The following RALGPS2 variants were observed in gnomAD, a reference collection of about 807,000 sequenced individuals.
The protein encoded by RALGPS2 is Ral GEF with PH domain and SH3 binding motif 2.
In RALGPS2, 43 loss-of-function variants were observed where a neutral mutation model predicts 86.8. The ratio of observed to expected loss-of-function variants is 0.50; its 90% CI spans 0.39 to 0.64. RALGPS2 has a LOEUF of 0.64. Ranked by LOEUF, RALGPS2 falls within the 30% of genes least tolerant of loss-of-function variation. The probability of loss-of-function intolerance (pLI) is 0.00; values close to 1 mark genes in which losing one functional copy is unlikely to be tolerated. For synonymous variants in RALGPS2, 243 were observed against 231.3 expected (o/e 1.05, Z -0.46); for missense variants, 536 against 694.6 (o/e 0.77, Z 2.57).
intron 11 of RALGPS2, among the ~76,000 whole-genome samples, chr1:178,883,763 A>C (rs1360406263): frequency 6.6e-6 from 1 of 152,120 alleles, no homozygotes; most frequent in Non-Finnish European, 1.5e-5. Flanking sequence ...AGGCGGGCGG[A>C]TCACAGGGTC....
intron 7 of RALGPS2, among the ~76,000 whole-genome samples, chr1:178,832,779 G>A (rs556416114): frequency 5.4e-5 from 8 of 148,386 alleles, no homozygotes; most frequent in Admixed American, 5.4e-4. Context: ...GACTGACTTT[G>A]CTTTTTTTTT....
At chr1:178,822,309 C>T (rs1372689320) in intron 7 of RALGPS2, among the ~76,000 whole-genome samples, 1 of 151,926 alleles carries the variant, frequency 6.6e-6, no homozygotes, top group East Asian at 1.9e-4. Context: ...TGATATTGTA[C>T]TCAATCTTTT....
At position 178,885,205 on chromosome 1, in the gene RALGPS2, G is replaced by T; in HGVS notation, c.1034G>T (p.Gly345Val). 1.2e-6 allele frequency: 2 copies of T among 1,605,860 alleles called. No homozygotes were observed. The highest frequency in any genetic ancestry group is 1.7e-6 in the Non-Finnish European group (2 of 1,177,836). The change falls in exon 12 of 20, where the codon GGT (glycine) becomes GTT (valine). Residue 345 changes from glycine (G) to valine (V), a missense_variant. Physicochemically the swap from Gly to Val is moderately radical, Grantham distance 109. This residue lies in a region of RALGPS2 where 309 missense variants were observed against 363.0 expected (regional missense o/e 0.85). Coordinates refer to ENST00000367635, the MANE Select transcript of RALGPS2 (RefSeq NM_152663.5). ...PHGHRKCHSL[G>V]YNFIHKMNTA... ...GGACATAGGAAGTGCCATAGTTTGG[G>T]TTATAAGTCAGCATTTTTAATTTTA...
At chr1:178,754,193 T>C (rs1235066240) in intron 1 of RALGPS2, among the ~76,000 whole-genome samples, 1 of 151,666 alleles carries the variant, frequency 6.6e-6, no homozygotes, top group Non-Finnish European at 1.5e-5. Context: ...ATTAGGGTTC[T>C]CCAGAGAAAC....
At chr1:178,829,423 T>C (rs1655908263) in intron 7 of RALGPS2, among the ~76,000 whole-genome samples, 1 of 152,140 alleles carries the variant, frequency 6.6e-6, no homozygotes. Flanking sequence ...GTCAAATCAG[T>C]GGCAGCATTA....
intron 1 of RALGPS2, among the ~76,000 whole-genome samples, chr1:178,766,898 C>T (rs1010713108): frequency 3.9e-5 from 6 of 152,182 alleles, no homozygotes; most frequent in African/African-American, 7.2e-5. Flanking sequence ...GAGTTGGTCT[C>T]TTTACATAAT....
At chr1:178,750,186 CCTT>C (rs1176040804) in intron 1 of RALGPS2, among the ~76,000 whole-genome samples, 4 of 152,136 alleles carry the variant, frequency 2.6e-5, no homozygotes, top group Non-Finnish European at 4.4e-5. Context: ...GGTTGGCAAA[CCTT>C]CTCTAAAGGC....
intron 4 of RALGPS2, among the ~76,000 whole-genome samples, chr1:178,791,725 C>T (rs751811113): frequency 1.3e-5 from 2 of 152,062 alleles, no homozygotes; most frequent in African/African-American, 2.4e-5. Context: ...ATTTTCAACT[C>T]TCGTATGTCA....
intron 7 of RALGPS2, among the ~76,000 whole-genome samples, chr1:178,823,888 T>G (rs1655624003): frequency 1.3e-5 from 2 of 152,188 alleles, no homozygotes; most frequent in South Asian, 4.2e-4. Context: ...TAGAGAGAGA[T>G]TGTTATAATC....
Position 178,725,255 on chromosome 1 carries a change from C to G in RALGPS2, c.-248C>G, listed in dbSNP as rs969278486. ...GGTGGTTCCAGCTCACTCTCCTCCCCCGAGCGGCAGCGGCGGCGGCGGCGG... is the reference window on the plus strand; with the variant it reads ...GGTGGTTCCAGCTCACTCTCCTCCCGCGAGCGGCAGCGGCGGCGGCGGCGG... On this transcript the variant is annotated 5_prime_UTR_variant, in exon 1 of 20. Transcript: ENST00000367635. The G allele has an allele frequency of 1.5e-3, 171 of 113,232 alleles. 1 individual carries two copies. Among genetic ancestry groups the G allele is most frequent in the Admixed American group, 3.6e-3 (29 of 8,044 alleles). 7.0% of individuals were successfully genotyped at this position (113,232 alleles called of 1,614,324 possible). A position where few individuals can be genotyped will look rare whatever the true frequency, so the allele number is the denominator to read the frequency against.
intron 5 of RALGPS2, among the ~76,000 whole-genome samples, chr1:178,810,625 TG>T (rs1398722057): frequency 6.6e-6 from 1 of 151,974 alleles, no homozygotes; most frequent in Non-Finnish European, 1.5e-5. Flanking sequence ...AAGGTGACTT[TG>T]TAAAATATGT....
intron 1 of RALGPS2, among the ~76,000 whole-genome samples, chr1:178,750,718 A>G (rs781644491): frequency 7.9e-5 from 12 of 152,136 alleles, no homozygotes; most frequent in Non-Finnish European, 1.6e-4. Context: ...TAACCTTCTT[A>G]TTGCTCCTTC....
chr1:178,881,640 G>A (rs1367686231), intron 10 of RALGPS2, among the ~76,000 whole-genome samples: 1 of 151,926 alleles, frequency 6.6e-6, no homozygotes, highest in African/African-American at 2.4e-5. Flanking sequence ...TAGTAGAGAT[G>A]GGGTTTCACC....
intron 8 of RALGPS2, chr1:178,853,034 G>C: frequency 6.6e-7 from 1 of 1,505,776 alleles, no homozygotes; most frequent in South Asian, 1.4e-5. Flanking sequence ...TTAAACATTC[G>C]ATAGCATAAA....
chr1:178,791,686 G>A (rs1003006868), intron 4 of RALGPS2, among the ~76,000 whole-genome samples: 8 of 152,082 alleles, frequency 5.3e-5, no homozygotes, highest in African/African-American at 1.9e-4. Context: ...GTAGGACCTG[G>A]TAATTCTTAC....
intron 19 of RALGPS2, among the ~76,000 whole-genome samples, chr1:178,907,785 A>G (rs73039888): frequency 0.052 from 7,917 of 152,242 alleles, 703 homozygotes; most frequent in African/African-American, 0.18. Flanking sequence ...AGCTTACAGA[A>G]GTATTTTTCA....
intron 17 of RALGPS2, among the ~76,000 whole-genome samples, chr1:178,898,913 G>A (rs893162006): frequency 3.3e-5 from 5 of 151,872 alleles, no homozygotes; most frequent in South Asian, 2.1e-4. Flanking sequence ...AGAACAATTT[G>A]TAGAGTTAGT....
chr1:178,777,000 T>C (rs1653127087), intron 2 of RALGPS2, among the ~76,000 whole-genome samples, 179 bp downstream of exon 2: 1 of 151,978 alleles, frequency 6.6e-6, no homozygotes, highest in South Asian at 2.1e-4. Flanking sequence ...GTGCACATTG[T>C]GCGGGTTAGT....
At chr1:178,765,832 C>T (rs1048806011) in intron 1 of RALGPS2, among the ~76,000 whole-genome samples, 1 of 152,176 alleles carries the variant, frequency 6.6e-6, no homozygotes, top group Non-Finnish European at 1.5e-5. Context: ...CTCCTATTTG[C>T]TTTTGAAAGA....
Sources: gnomAD v4.1 joint callset for allele counts (sites outside exome capture counted in the v4.1 genomes callset) on GRCh38, gnomAD v4.1.1 for gene constraint, gnomAD v4.1.1 regional missense constraint, MANE v1.5 for transcripts, NCBI Gene and HGNC (gene_info 2026-07-23, HGNC 2026-07-21) for gene names.